Variants in CNIH3 observed in about 807,000 individuals in gnomAD.
The protein encoded by CNIH3 is cornichon family AMPA receptor auxiliary protein 3.
A neutral mutation model predicts 24.1 loss-of-function variants in CNIH3; 14 were observed. The observed-to-expected ratio is 0.58, with a 90% CI of 0.38 to 0.91. CNIH3 has a LOEUF of 0.91. Ranked by LOEUF, CNIH3 falls within the 40% of genes least tolerant of loss-of-function variation. CNIH3 has a pLI of 0.00. For synonymous variants in CNIH3, 68 were observed against 73.8 expected (o/e 0.92, Z 0.40); for missense variants, 178 against 196.8 (o/e 0.90, Z 0.57).
intron 1 of CNIH3, among the ~76,000 whole-genome samples, chr1:224,629,618 C>T (rs1464131361): frequency 6.6e-6 from 1 of 152,084 alleles, no homozygotes; most frequent in Non-Finnish European, 1.5e-5. Context: ...GTACGAGCAT[C>T]CAGGGCTTGA....
intron 1 of CNIH3, among the ~76,000 whole-genome samples, chr1:224,464,499 G>A (rs1460087183): frequency 6.6e-6 from 1 of 152,198 alleles, no homozygotes; most frequent in East Asian, 1.9e-4. Flanking sequence ...TATGTATGGT[G>A]TGAGTTATGG....
intron 1 of CNIH3, among the ~76,000 whole-genome samples, chr1:224,476,927 C>T (rs947225756): frequency 1.1e-4 from 17 of 152,128 alleles, no homozygotes; most frequent in African/African-American, 4.1e-4. Context: ...TTTTGAGATG[C>T]GAGGTACAGG....
At chr1:224,656,890 C>A (rs781301211) in intron 1 of CNIH3, among the ~76,000 whole-genome samples, 1 of 152,106 alleles carries the variant, frequency 6.6e-6, no homozygotes, top group African/African-American at 2.4e-5. Flanking sequence ...CCATACATTT[C>A]GAAGGGGCTA....
upstream of CNIH3, among the ~76,000 whole-genome samples, chr1:224,514,517 AC>A (rs1193814859): frequency 6.6e-6 from 1 of 152,350 alleles, no homozygotes; most frequent in East Asian, 1.9e-4. Flanking sequence ...TTTTTCAAAT[AC>A]ATATTAAGAT....
At chr1:224,571,953 G>A (rs2125001309) in intron 4 of CNIH3, among the ~76,000 whole-genome samples, 1 of 152,312 alleles carries the variant, frequency 6.6e-6, no homozygotes, top group South Asian at 2.1e-4. Context: ...GGGTCATGCT[G>A]TGACTGAGAG....
chr1:224,579,756 T>TC (rs903959690), intron 4 of CNIH3, among the ~76,000 whole-genome samples: 5 of 151,974 alleles, frequency 3.3e-5, no homozygotes, highest in African/African-American at 9.7e-5. Context: ...CCTGGAACTT[T>TC]CCCCCCCTCT....
chr1:224,553,352 G>T (rs540649434), intron 3 of CNIH3, among the ~76,000 whole-genome samples: 70 of 152,026 alleles, frequency 4.6e-4, no homozygotes, highest in African/African-American at 1.6e-3. Context: ...TAACATCCAG[G>T]TTGTTTTCTG....
At chr1:224,554,474 A>G (rs1326612839) in intron 3 of CNIH3, among the ~76,000 whole-genome samples, 5 of 152,174 alleles carry the variant, frequency 3.3e-5, no homozygotes, top group Non-Finnish European at 7.4e-5. Flanking sequence ...TTTTAAAAAA[A>G]TGGGTGGTTG....
chr1:224,718,676 G>A (rs74146261), intron 3 of CNIH3, among the ~76,000 whole-genome samples: 1,942 of 152,198 alleles, frequency 0.013, 46 homozygotes, highest in African/African-American at 0.044. Context: ...GGGGATGAGA[G>A]GAGGAGGAAG....
intron 3 of CNIH3, among the ~76,000 whole-genome samples, chr1:224,716,622 A>T (rs558335683): frequency 1.3e-5 from 2 of 152,092 alleles, no homozygotes; most frequent in Non-Finnish European, 2.9e-5. Context: ...AATGGGGTAC[A>T]GTGTGGGGAC....
intron 3 of CNIH3, among the ~76,000 whole-genome samples, chr1:224,685,352 A>G (rs1206546718): frequency 1.3e-5 from 2 of 152,198 alleles, no homozygotes; most frequent in African/African-American, 4.8e-5. Context: ...CGTCATTCAG[A>G]GAGTTGCTCT....
At chr1:224,491,832 T>C (rs1041023671) in intron 1 of CNIH3, among the ~76,000 whole-genome samples, 3 of 152,222 alleles carry the variant, frequency 2.0e-5, no homozygotes, top group African/African-American at 7.2e-5. Context: ...GGTCTCGAAC[T>C]CCTGACCTCA....
At chr1:224,559,875 ATCCTGGTC>A (rs1680292481) in intron 3 of CNIH3, among the ~76,000 whole-genome samples, 1 of 152,134 alleles carries the variant, frequency 6.6e-6, no homozygotes, top group Non-Finnish European at 1.5e-5. Context: ...GGTAACCACT[ATCCTGGTC>A]TTCATGGTTA....
At chr1:224,620,258 A>G (rs1335807457) in intron 1 of CNIH3, among the ~76,000 whole-genome samples, 1 of 152,240 alleles carries the variant, frequency 6.6e-6, no homozygotes, top group Non-Finnish European at 1.5e-5. Context: ...TTTAGTCCTC[A>G]TAACGGACAT....
At chr1:224,707,739 T>G (rs1026748777) in intron 3 of CNIH3, among the ~76,000 whole-genome samples, 1 of 152,228 alleles carries the variant, frequency 6.6e-6, no homozygotes, top group Admixed American at 6.5e-5. Context: ...TTGAGCAACA[T>G]GGCCGAGAAC....
intron 1 of CNIH3, among the ~76,000 whole-genome samples, chr1:224,444,998 G>A (rs570993244): frequency 2.0e-5 from 3 of 150,744 alleles, no homozygotes; most frequent in Admixed American, 6.6e-5. Flanking sequence ...GTAGAAAGGA[G>A]TATATACATC....
chr1:224,487,414 C>G (rs779177534), intron 1 of CNIH3, among the ~76,000 whole-genome samples: 13 of 152,204 alleles, frequency 8.5e-5, no homozygotes, highest in Non-Finnish European at 1.6e-4. Context: ...CTGTTCCTCT[C>G]TCTCTCACAC....
intron 3 of CNIH3, among the ~76,000 whole-genome samples, chr1:224,721,101 CCT>C (rs1163770582): frequency 6.6e-6 from 1 of 152,164 alleles, no homozygotes; most frequent in African/African-American, 2.4e-5. Context: ...CTCGGTTTGT[CCT>C]CTGGCTTCCG....
At chr1:224,678,194 G>A (rs1285240967) in intron 1 of CNIH3, among the ~76,000 whole-genome samples, 2 of 152,198 alleles carry the variant, frequency 1.3e-5, no homozygotes, top group East Asian at 3.9e-4. Context: ...ATAAATATTA[G>A]TTCCTGCTCT....
Sources: allele counts gnomAD v4.1 joint callset (sites outside exome capture counted in the v4.1 genomes callset), GRCh38; gene constraint gnomAD v4.1.1; transcripts MANE v1.5; gene names NCBI Gene and HGNC (gene_info 2026-07-23, HGNC 2026-07-21).